Variants in ASS1 observed in about 807,000 individuals in gnomAD.
The protein encoded by ASS1 is argininosuccinate synthase.
In ASS1, 58 loss-of-function variants were observed where a neutral mutation model predicts 60.5. That is an observed-to-expected ratio of 0.96 (90% CI 0.78 to 1.19). ASS1 has a LOEUF of 1.19. Among genes scored for constraint, ASS1 ranks in the 50% most tolerant of loss-of-function variants. The pLI, the probability that ASS1 is intolerant of heterozygous loss-of-function variation, is 0.00. For missense variants in ASS1, 454 were observed against 547.3 expected, an observed-to-expected ratio of 0.83 and a Z score of 1.70; for synonymous variants, 200 against 206.9, an observed-to-expected ratio of 0.97 and a Z score of 0.29.
In ASS1 at chr9:130,477,971, C is replaced by T. The variant is rs1846066025; in HGVS notation, c.688+1010C>T. 3.3e-5 allele frequency among the ~76,000 whole-genome samples: 5 copies of T among 152,234 alleles called. 1 individual carries two copies. The South Asian group carries it at 1.0e-3, about 32-fold the overall frequency. On this transcript the variant is annotated intron_variant, in intron 9 of 14. Transcript: ENST00000352480. The surrounding 1 kb of genome is among the most constrained non-coding windows in gnomAD (Gnocchi z 4.2). ...CCGGTGGGGAGGCAGAGCTGCAGAT[C>T]CCCCTCTCCCCCTTGCTGGTGTGAC...
chr9:130,497,650 G>T (rs919632385), intron 13 of ASS1, among the ~76,000 whole-genome samples: 3 of 152,224 alleles, frequency 2.0e-5, no homozygotes, highest in Non-Finnish European at 4.4e-5. Flanking sequence ...GGCCCTCTTT[G>T]CAGGGGCTGC....
rs1054745083 is a variant in ASS1, at chr9:130,478,726, G to A, written c.689-990G>A. ...AGGGAGAGAAAGGGAGAGAGGAGAG[G>A]CGGGGGGTGGTGAGAGGGGCTTAAG... is the stretch of plus-strand genomic sequence containing the variant. On this transcript the variant is annotated intron_variant, in intron 9 of 14. Coordinates refer to ENST00000352480, the MANE Select transcript of ASS1 (RefSeq NM_054012.4). The surrounding 1 kb of genome is among the most constrained non-coding windows in gnomAD (Gnocchi z 4.7). Among the ~76,000 whole-genome samples the A allele has an allele frequency of 6.6e-6, 1 of 152,202 alleles. No individual in the cohort carries two copies. The highest frequency in any genetic ancestry group is 2.4e-5 in the African/African-American group (1 of 41,452).
chr9:130,469,181 A>C (rs374939933), intron 6 of ASS1, among the ~76,000 whole-genome samples: 1 of 152,202 alleles, frequency 6.6e-6, no homozygotes, highest in Non-Finnish European at 1.5e-5. Context: ...CCACCAGGAC[A>C]TCTCTGCTGG....
At chr9:130,472,131 G>A (rs1845881148) in intron 8 of ASS1, among the ~76,000 whole-genome samples, 1 of 152,142 alleles carries the variant, frequency 6.6e-6, no homozygotes, top group South Asian at 2.1e-4. Flanking sequence ...AATCTATCAT[G>A]GGAAGAGAAA....
chr9:130,449,534 T>G (rs1039224738), intron 1 of ASS1, among the ~76,000 whole-genome samples: 1 of 151,906 alleles, frequency 6.6e-6, no homozygotes, highest in Non-Finnish European at 1.5e-5. Context: ...GGGTGAATCT[T>G]GGGCCAGCAT....
intron 11 of ASS1, among the ~76,000 whole-genome samples, chr9:130,483,802 T>TTCCTCCTCCCTCTCTCCCTG: frequency 6.6e-6 from 1 of 150,986 alleles, no homozygotes; most frequent in Non-Finnish European, 1.5e-5. Context: ...CTCTCTCCCT[T>TTCCTCCTCCCTCTCTCCCTG]TCCTCCTCCT....
At position 130,476,063 on chromosome 9, in the gene ASS1, G is replaced by A. The variant is rs1564154043; in HGVS notation, c.598-808G>A. ...TGTGAGCCACTGTGCCCAGCCGTCTGCAAGGTTTTTAAAGCAAAGATGAGA... is the reference window on the plus strand; with the variant it reads ...TGTGAGCCACTGTGCCCAGCCGTCTACAAGGTTTTTAAAGCAAAGATGAGA... On this transcript the variant is annotated intron_variant, in intron 8 of 14. Transcript: ENST00000352480. The surrounding 1 kb of genome is among the most constrained non-coding windows in gnomAD (Gnocchi z 4.9). Among the ~76,000 whole-genome samples the A allele has an allele frequency of 6.6e-6, 1 of 152,148 alleles. No individual in the cohort carries two copies. Among genetic ancestry groups the A allele is most frequent in the Non-Finnish European group, 1.5e-5 (1 of 68,034 alleles).
In ASS1 at chr9:130,447,318, C is replaced by T. The variant is rs780484457; in HGVS notation, c.-6+2323C>T. On this transcript the variant is annotated intron_variant, in intron 1 of 14. Transcript: ENST00000352480. Reference sequence around the variant, plus strand: ...CTGGCCGCTTAGCCTCTGCCTCCTCCTTTGTAAATAGGTGGTAATGGCAGT... The same window carrying T: ...CTGGCCGCTTAGCCTCTGCCTCCTCTTTTGTAAATAGGTGGTAATGGCAGT... Among the ~76,000 whole-genome samples, 120 of 152,378 alleles carry T rather than the reference C, an allele frequency of 7.9e-4. 1 individual carries two copies. The highest frequency in any genetic ancestry group is 1.4e-3 in the South Asian group (7 of 4,832).
At position 130,470,964 on chromosome 9, in the gene ASS1, G is replaced by A. The variant is rs188577335; in HGVS notation, c.566+60G>A. ...CGGGCTCATTCCAAAGGACGGCCAC[G>A]CGCTGCCCCAGGACGTCCTGGTGAC... On this transcript the variant is annotated intron_variant, in intron 7 of 14. Transcript: ENST00000352480. The surrounding 1 kb of genome is among the most constrained non-coding windows in gnomAD (Gnocchi z 4.3). 5.4e-4 allele frequency: 854 copies of A among 1,575,094 alleles called. 3 individuals carry two copies. In the East Asian group the frequency reaches 9.9e-3, roughly 18 times the overall value.
chr9:130,451,194 G>A (rs529728053), intron 1 of ASS1, among the ~76,000 whole-genome samples: 1 of 152,200 alleles, frequency 6.6e-6, no homozygotes, highest in African/African-American at 2.4e-5. Flanking sequence ...AAGAAGCATG[G>A]CTGCAAAGAT....
chr9:130,454,566 C>T (rs1046587430), intron 3 of ASS1, among the ~76,000 whole-genome samples, 193 bp downstream of exon 3: 1 of 152,134 alleles, frequency 6.6e-6, no homozygotes, highest in African/African-American at 2.4e-5. Flanking sequence ...TCCACCCACC[C>T]ACCTTCCCAT....
chr9:130,455,305 T>C (rs769974329), intron 3 of ASS1, among the ~76,000 whole-genome samples: 23 of 150,044 alleles, frequency 1.5e-4, no homozygotes, highest in Non-Finnish European at 3.1e-4. Context: ...ATCCCTTCAT[T>C]ATCCATCCAT....
At chr9:130,492,723 G>A (rs1336702621) in intron 12 of ASS1, among the ~76,000 whole-genome samples, 1 of 152,210 alleles carries the variant, frequency 6.6e-6, no homozygotes, top group Non-Finnish European at 1.5e-5. Flanking sequence ...AACTCACACA[G>A]AATTGCTCCA....
At chr9:130,465,061 T>A (rs1202228114) in intron 5 of ASS1, among the ~76,000 whole-genome samples, 51 of 143,676 alleles carry the variant, frequency 3.5e-4, no homozygotes, top group Admixed American at 1.9e-3. Context: ...TATATATTTT[T>A]TTTTTTTCTT....
At chr9:130,467,790 T>C (rs1412367449) in intron 6 of ASS1, among the ~76,000 whole-genome samples, 1 of 152,150 alleles carries the variant, frequency 6.6e-6, no homozygotes, top group Non-Finnish European at 1.5e-5. Context: ...TCTTTAAGAA[T>C]AATGAATTGG....
At chr9:130,450,891 A>G (rs921858311) in intron 1 of ASS1, among the ~76,000 whole-genome samples, 22 of 152,352 alleles carry the variant, frequency 1.4e-4, no homozygotes, top group African/African-American at 5.3e-4. Flanking sequence ...GTCAGACTCC[A>G]GTGGAAACGT....
At chr9:130,454,667 T>G (rs1246868181) in intron 3 of ASS1, among the ~76,000 whole-genome samples, 1 of 152,168 alleles carries the variant, frequency 6.6e-6, no homozygotes, top group Non-Finnish European at 1.5e-5. Context: ...CTTTTATCTC[T>G]GTTTATCTAC....
At chr9:130,481,471 T>C (rs1220609204) in intron 11 of ASS1, among the ~76,000 whole-genome samples, 1 of 152,210 alleles carries the variant, frequency 6.6e-6, no homozygotes, top group Non-Finnish European at 1.5e-5. Context: ...CACGGCCCCA[T>C]GTCTCTCAGG....
At chr9:130,465,670 G>A (rs924340125) in intron 5 of ASS1, among the ~76,000 whole-genome samples, 3 of 152,248 alleles carry the variant, frequency 2.0e-5, no homozygotes, top group South Asian at 2.1e-4. Flanking sequence ...GCTCACAGGA[G>A]TTTCCATTTT....
Sources: allele counts gnomAD v4.1 joint callset (sites outside exome capture counted in the v4.1 genomes callset), GRCh38; gene constraint gnomAD v4.1.1; non-coding constraint Gnocchi (gnomAD v3.1); transcripts MANE v1.5; gene names NCBI Gene and HGNC (gene_info 2026-07-23, HGNC 2026-07-21).